The following TET1 variants were observed in gnomAD, a reference collection of about 807,000 sequenced individuals.
The protein encoded by TET1 is methylcytosine dioxygenase TET1.
A neutral mutation model predicts 148.7 loss-of-function variants in TET1; 13 were observed. That is an observed-to-expected ratio of 0.09 (90% CI 0.06 to 0.14). TET1 has a LOEUF of 0.14. Ranked by LOEUF, TET1 falls within the 10% of genes least tolerant of loss-of-function variation. The pLI is 1.00. For synonymous variants in TET1, 907 were observed against 937.2 expected, an observed-to-expected ratio of 0.97 and a Z score of 0.59; for missense variants, 2,182 against 2,553.8, an observed-to-expected ratio of 0.85 and a Z score of 3.14.
chr10:68,657,472 G>A (rs542558253), intron 6 of TET1, among the ~76,000 whole-genome samples: 3 of 152,196 alleles, frequency 2.0e-5, no homozygotes, highest in South Asian at 2.1e-4. Context: ...CACCACGCCC[G>A]GCCAAAAATT....
At chr10:68,592,120 C>A (rs2053925354) in intron 2 of TET1, among the ~76,000 whole-genome samples, 2 of 152,040 alleles carry the variant, frequency 1.3e-5, no homozygotes, top group Non-Finnish European at 2.9e-5. Context: ...GAGTTTGAGA[C>A]CAGCCTGACC....
rs766662469 is a variant in TET1, at chr10:68,573,349, G to A, written c.1011G>A (p.Ala337=). The A allele has an allele frequency of 7.4e-6, 12 of 1,613,910 alleles. No individual in the cohort carries two copies. Among genetic ancestry groups the A allele is most frequent in the Non-Finnish European group, 1.0e-5 (12 of 1,180,024 alleles). The change falls in exon 2 of 12, where the codon GCG becomes GCA. Residue 337 remains alanine, a synonymous_variant. Coordinates refer to ENST00000373644, the MANE Select transcript of TET1 (RefSeq NM_030625.3). ...IKFLLAGSKQ[A]TLGAKPDHQE... ...TCCTCTTGGCAGGCTCAAAACAAGC[G>A]ACCCTTGGTGCTAAACCAGATCATC...
intron 4 of TET1, among the ~76,000 whole-genome samples, chr10:68,648,635 T>C (rs949938267): frequency 1.3e-5 from 2 of 152,244 alleles, no homozygotes; most frequent in Non-Finnish European, 1.5e-5. Context: ...GCTAAGTATA[T>C]CACACTGATT....
At position 68,694,329 on chromosome 10, in the gene TET1, A is replaced by G. The variant is rs990449420; in HGVS notation, c.*2515A>G. 4.3e-6 allele frequency: 1 copy of G among 232,604 alleles called. No individual in the cohort carries two copies. Among genetic ancestry groups the G allele is most frequent in the Non-Finnish European group, 8.5e-6 (1 of 117,778 alleles). The allele number at this position is 232,604 out of a possible 1,614,324, so 14.4% of individuals were successfully genotyped here. A position where few individuals can be genotyped will look rare whatever the true frequency, so the allele number is the denominator to read the frequency against. On this transcript the variant is annotated 3_prime_UTR_variant, in exon 12 of 12. Transcript: ENST00000373644. ...TGTTGGACTCTCTTTCCTGATTTTA[A>G]CAATTTACCATCCCATTCTCTGCCC...
chr10:68,676,579 A>G (rs1323456760), intron 8 of TET1, among the ~76,000 whole-genome samples: 1 of 151,068 alleles, frequency 6.6e-6, no homozygotes, highest in Non-Finnish European at 1.5e-5. Flanking sequence ...TGACCTGGCC[A>G]TTTGTATTTT....
At chr10:68,593,143 A>G (rs759233379) in intron 2 of TET1, among the ~76,000 whole-genome samples, 41 of 151,168 alleles carry the variant, frequency 2.7e-4, no homozygotes, top group South Asian at 1.3e-3. Context: ...GAGGCAGGAG[A>G]ATCGCTTGAA....
intron 11 of TET1, among the ~76,000 whole-genome samples, chr10:68,688,019 C>G (rs2055538736): frequency 6.6e-6 from 1 of 152,006 alleles, no homozygotes; most frequent in Non-Finnish European, 1.5e-5. Flanking sequence ...ACTGCTGCCT[C>G]AAACTCTGGG....
intron 3 of TET1, among the ~76,000 whole-genome samples, chr10:68,641,028 A>C (rs1395211086): frequency 6.6e-6 from 1 of 150,526 alleles, no homozygotes; most frequent in Non-Finnish European, 1.5e-5. Flanking sequence ...ATTAGTTTGC[A>C]TATTATTTTT....
chr10:68,640,781 G>A (rs948211219), intron 3 of TET1, among the ~76,000 whole-genome samples: 1 of 151,200 alleles, frequency 6.6e-6, no homozygotes, highest in Non-Finnish European at 1.5e-5. Context: ...TCTATCTCCT[G>A]ACCTCGTGAT....
intron 7 of TET1, among the ~76,000 whole-genome samples, chr10:68,670,782 T>G (rs946476317): frequency 6.6e-6 from 1 of 152,174 alleles, no homozygotes. Context: ...ATCGTAGTCT[T>G]TCTTTTATAA....
chr10:68,659,012 G>A (rs573803904), intron 6 of TET1, among the ~76,000 whole-genome samples: 99 of 152,280 alleles, frequency 6.5e-4, no homozygotes, highest in African/African-American at 2.1e-3. Context: ...CAGATCACTT[G>A]AGACCAGGAG....
intron 4 of TET1, among the ~76,000 whole-genome samples, chr10:68,647,309 A>G (rs2054865560): frequency 1.3e-5 from 2 of 152,224 alleles, no homozygotes; most frequent in Admixed American, 6.5e-5. Context: ...GTAGCATAAG[A>G]ATGAATTTCG....
At chr10:68,610,639 G>A (rs1412066486) in intron 3 of TET1, among the ~76,000 whole-genome samples, 1 of 151,974 alleles carries the variant, frequency 6.6e-6, no homozygotes, top group East Asian at 1.9e-4. Flanking sequence ...GTTTAGAACC[G>A]CTTGGCATAC....
At chr10:68,657,513 C>T (rs2133137034) in intron 6 of TET1, among the ~76,000 whole-genome samples, 2 of 152,238 alleles carry the variant, frequency 1.3e-5, no homozygotes, top group South Asian at 4.2e-4. Context: ...GTGGTGTGCA[C>T]CTGTGGTCCC....
chr10:68,600,671 A>C (rs966017369), intron 2 of TET1, among the ~76,000 whole-genome samples: 3 of 152,188 alleles, frequency 2.0e-5, no homozygotes, highest in African/African-American at 7.2e-5. Flanking sequence ...GTTCCACTGT[A>C]GAGGCTTCCT....
intron 3 of TET1, among the ~76,000 whole-genome samples, chr10:68,641,634 G>A (rs1442268649): frequency 6.6e-6 from 1 of 150,870 alleles, no homozygotes; most frequent in East Asian, 2.0e-4. Context: ...GAGTACCTGG[G>A]ACTACAGGCG....
chr10:68,689,684 C>T (rs544180130), intron 11 of TET1, among the ~76,000 whole-genome samples: 3 of 151,836 alleles, frequency 2.0e-5, no homozygotes, highest in Non-Finnish European at 4.4e-5. Flanking sequence ...GAGGCTGAGG[C>T]GGGGGAATCG....
intron 2 of TET1, among the ~76,000 whole-genome samples, chr10:68,579,464 C>T (rs960025982): frequency 6.6e-6 from 1 of 152,214 alleles, no homozygotes; most frequent in African/African-American, 2.4e-5. Context: ...TCAGTGCTAT[C>T]TTTACTATCA....
intron 3 of TET1, among the ~76,000 whole-genome samples, chr10:68,604,078 T>C (rs544326230): frequency 6.6e-6 from 1 of 152,336 alleles, no homozygotes; most frequent in South Asian, 2.1e-4. Context: ...TTTCCTTGAC[T>C]CTTGATCTAG....
Sources: gnomAD v4.1 joint callset for allele counts (sites outside exome capture counted in the v4.1 genomes callset) on GRCh38, gnomAD v4.1.1 for gene constraint, MANE v1.5 for transcripts, NCBI Gene and HGNC (gene_info 2026-07-23, HGNC 2026-07-21) for gene names.